Variants in RAB38 observed in about 807,000 individuals in gnomAD.
The protein encoded by RAB38 is ras-related protein Rab-38.
Under a neutral mutation model 18.4 loss-of-function variants are expected in RAB38, and 15 were observed. The ratio of observed to expected loss-of-function variants is 0.82; its 90% CI spans 0.55 to 1.26. The LOEUF (loss-of-function observed/expected upper bound fraction) is 1.26, where lower values mean the gene tolerates loss of function less well. RAB38 is among the 50% of genes most tolerant of loss of function. The probability of loss-of-function intolerance (pLI) is 0.00; values close to 1 mark genes in which losing one functional copy is unlikely to be tolerated. For missense variants in RAB38, 294 were observed against 267.4 expected (o/e 1.10, Z -0.69); for synonymous variants, 101 against 104.4 (o/e 0.97, Z 0.20).
the RAB38 span, among the ~76,000 whole-genome samples, chr11:88,067,387 C>T: frequency 6.7e-6 from 1 of 150,126 alleles, no homozygotes; most frequent in Non-Finnish European, 1.5e-5. Context: ...AGTTAGGTAG[C>T]TTTCCAATGT....
chr11:87,812,175 T>A, the RAB38 span, among the ~76,000 whole-genome samples: 2 of 152,236 alleles, frequency 1.3e-5, no homozygotes, highest in Non-Finnish European at 2.9e-5. Context: ...GCAAATAACT[T>A]CATTTCATAA....
At chr11:88,132,502 G>C (rs1357308963) in intron 2 of RAB38, among the ~76,000 whole-genome samples, 1 of 152,216 alleles carries the variant, frequency 6.6e-6, no homozygotes, top group South Asian at 2.1e-4. Context: ...TTGTTGGCCA[G>C]GCTGGAGTAC....
the RAB38 span, among the ~76,000 whole-genome samples, chr11:87,934,153 C>T: frequency 0.041 from 6,239 of 152,080 alleles, 186 homozygotes; most frequent in Non-Finnish European, 0.062. Flanking sequence ...AGAGGTCTTC[C>T]AAGTTAAACT....
the RAB38 span, among the ~76,000 whole-genome samples, chr11:87,878,272 ATCTATCTATC>A: frequency 8.8e-6 from 1 of 113,838 alleles, no homozygotes; most frequent in African/African-American, 4.1e-5. Flanking sequence ...CTATCTATCT[ATCTATCTATC>A]TATCTATCTA....
the RAB38 span, among the ~76,000 whole-genome samples, chr11:87,808,142 T>C: frequency 1.3e-5 from 2 of 152,162 alleles, no homozygotes; most frequent in African/African-American, 4.8e-5. Context: ...ACAGAAAAAG[T>C]ATGAAGATTC....
At chr11:88,052,921 T>TCATATATATATTTC in the RAB38 span, among the ~76,000 whole-genome samples, 11 of 25,346 alleles carry the variant, frequency 4.3e-4, 2 homozygotes, top group East Asian at 6.6e-3. Context: ...TATATATATA[T>TCATATATATATTTC]ATATATATAT....
the RAB38 span, among the ~76,000 whole-genome samples, chr11:87,854,014 C>A: frequency 4.5e-4 from 68 of 152,222 alleles, no homozygotes; most frequent in Non-Finnish European, 4.7e-4. Flanking sequence ...TGACAGGTCT[C>A]GTTCTTCTAT....
the RAB38 span, among the ~76,000 whole-genome samples, chr11:87,945,477 T>A: frequency 6.6e-6 from 1 of 152,102 alleles, no homozygotes; most frequent in African/African-American, 2.4e-5. Flanking sequence ...AACGGGGTTG[T>A]CAGTGGGTTG....
At chr11:87,872,441 C>T in the RAB38 span, among the ~76,000 whole-genome samples, 1 of 151,534 alleles carries the variant, frequency 6.6e-6, no homozygotes. Flanking sequence ...CTGATACCAA[C>T]ACTGACATGT....
chr11:88,013,743 A>C, the RAB38 span, among the ~76,000 whole-genome samples: 1 of 152,304 alleles, frequency 6.6e-6, no homozygotes, highest in East Asian at 1.9e-4. Context: ...TTTATGGTTT[A>C]CTAATGAAAG....
At chr11:88,142,372 T>C (rs745447810) in intron 2 of RAB38, among the ~76,000 whole-genome samples, 8 of 152,236 alleles carry the variant, frequency 5.3e-5, no homozygotes, top group Non-Finnish European at 1.2e-4. Context: ...GTTCTTAGTA[T>C]GCAATAAATG....
the RAB38 span, among the ~76,000 whole-genome samples, chr11:87,904,699 A>G: frequency 1.5e-5 from 2 of 132,552 alleles, no homozygotes; most frequent in Non-Finnish European, 3.1e-5. Context: ...ATTCCCTCCA[A>G]CAGTGTATAA....
the RAB38 span, among the ~76,000 whole-genome samples, chr11:88,053,976 CAT>C: frequency 6.6e-6 from 1 of 152,124 alleles, no homozygotes; most frequent in African/African-American, 2.4e-5. Context: ...ATTTTTTGCA[CAT>C]CTCACATTTT....
the RAB38 span, among the ~76,000 whole-genome samples, chr11:87,946,565 G>A: frequency 1.7e-4 from 25 of 147,828 alleles, no homozygotes; most frequent in South Asian, 9.1e-4. Flanking sequence ...AACAGTCCCC[G>A]GTGTGTGATG....
the RAB38 span, among the ~76,000 whole-genome samples, chr11:87,855,441 G>A: frequency 6.6e-6 from 1 of 152,078 alleles, no homozygotes; most frequent in South Asian, 2.1e-4. Context: ...GAACAGTGGC[G>A]ATGTAAGAAT....
At chr11:88,015,869 A>C in the RAB38 span, among the ~76,000 whole-genome samples, 10 of 152,132 alleles carry the variant, frequency 6.6e-5, no homozygotes, top group Non-Finnish European at 1.2e-4. Flanking sequence ...CTCTGTTCCA[A>C]GTAAAATGTT....
At chr11:87,891,193 C>CT in the RAB38 span, among the ~76,000 whole-genome samples, 1 of 151,856 alleles carries the variant, frequency 6.6e-6, no homozygotes, top group Non-Finnish European at 1.5e-5. Flanking sequence ...AGCAAGTCTG[C>CT]TTTTCATTTG....
the RAB38 span, among the ~76,000 whole-genome samples, chr11:87,812,772 G>A: frequency 6.6e-6 from 1 of 152,310 alleles, no homozygotes; most frequent in Non-Finnish European, 1.5e-5. Context: ...ATTTCTGGTT[G>A]CTTGGAAACA....
chr11:87,889,506 ATAAT>A, the RAB38 span, among the ~76,000 whole-genome samples: 1 of 151,778 alleles, frequency 6.6e-6, no homozygotes, highest in Non-Finnish European at 1.5e-5. Context: ...AATAATGATA[ATAAT>A]TATGATCAGT....
Sources: gnomAD v4.1 joint callset for allele counts (sites outside exome capture counted in the v4.1 genomes callset) on GRCh38, gnomAD v4.1.1 for gene constraint, MANE v1.5 for transcripts, NCBI Gene and HGNC (gene_info 2026-07-23, HGNC 2026-07-21) for gene names.